DDR2: variants seen among roughly 807,000 people sequenced by gnomAD.
The protein encoded by DDR2 is discoidin domain receptor tyrosine kinase 2, also known as discoidin domain-containing receptor 2.
A neutral mutation model predicts 94.9 loss-of-function variants in DDR2; 27 were observed. The observed-to-expected ratio is 0.28, with a 90% CI of 0.21 to 0.39. The LOEUF (loss-of-function observed/expected upper bound fraction) is 0.39. Ranked by LOEUF, DDR2 falls within the 10% of genes least tolerant of loss-of-function variation. The pLI, the probability that DDR2 is intolerant of heterozygous loss-of-function variation, is 1.00. For synonymous variants in DDR2, 382 were observed against 377.2 expected (o/e 1.01, Z -0.15); for missense variants, 783 against 1,076.0 (o/e 0.73, Z 3.81).
chr1:162,731,508 A>G (rs1203155412), intron 3 of DDR2, among the ~76,000 whole-genome samples: 1 of 152,212 alleles, frequency 6.6e-6, no homozygotes, highest in African/African-American at 2.4e-5. Flanking sequence ...TTTATTGAAT[A>G]TTAGTGCTCT....
At chr1:162,645,155 G>A (rs1049526844) in intron 1 of DDR2, among the ~76,000 whole-genome samples, 9 of 152,154 alleles carry the variant, frequency 5.9e-5, no homozygotes, top group African/African-American at 1.4e-4. Context: ...GTGAACAGGC[G>A]GGGACTCCCT....
intron 4 of DDR2, among the ~76,000 whole-genome samples, chr1:162,753,612 C>T (rs556006971): frequency 2.6e-5 from 4 of 152,298 alleles, no homozygotes; most frequent in Non-Finnish European, 5.9e-5. Flanking sequence ...ACATCACTCA[C>T]TGCAAAGCAT....
rs1648007310 is a variant in DDR2 at position 162,783,385 on chromosome 1, A to C, written c.*3139A>C. On this transcript the variant is annotated 3_prime_UTR_variant, in exon 18 of 18. Coordinates refer to ENST00000367921, the MANE Select transcript of DDR2 (RefSeq NM_006182.4). Reference sequence around the variant, plus strand: ...CTGTATAAAGAAGAGGACTGTGTGCAAGTGGGGTGAAAAAAAAGGATACGT... The same window carrying C: ...CTGTATAAAGAAGAGGACTGTGTGCCAGTGGGGTGAAAAAAAAGGATACGT... 1 of 152,142 alleles carries C rather than the reference A, an allele frequency of 6.6e-6. No homozygotes were observed. The highest frequency in any genetic ancestry group is 1.5e-5 in the Non-Finnish European group (1 of 68,036). 9.4% of individuals were successfully genotyped at this position (152,142 alleles called of 1,614,324 possible).
rs755929391 is a variant in DDR2, at chr1:162,754,771, C to T, written c.333C>T (p.Gly111=). 8.7e-6 allele frequency: 14 copies of T among 1,613,962 alleles called. 1 individual carries two copies. Among genetic ancestry groups the T allele is most frequent in the Non-Finnish European group, 6.8e-6 (8 of 1,180,002 alleles). The change falls in exon 5 of 18, where the codon GGC becomes GGT. Residue 111 remains glycine, a synonymous_variant. Coordinates refer to ENST00000367921, the MANE Select transcript of DDR2 (RefSeq NM_006182.4). The stretch of plus-strand genomic sequence containing the variant: ...AGGGGCGCCATGCAGGAGGTCATGG[C>T]ATCGAGTTTGCCCCCATGTACAAGA... ...GTQGRHAGGH[G]IEFAPMYKIN...
intron 11 of DDR2, 40 bp downstream of exon 11, chr1:162,767,399 CCTTT>C (rs747875712): frequency 1.2e-6 from 2 of 1,610,686 alleles, no homozygotes; most frequent in Non-Finnish European, 1.7e-6. Context: ...AGAAACTGCT[CCTTT>C]CTTTCTTAAG....
At chr1:162,664,050 G>C (rs534571781) in intron 2 of DDR2, among the ~76,000 whole-genome samples, 56 of 152,252 alleles carry the variant, frequency 3.7e-4, no homozygotes, top group African/African-American at 1.3e-3. Flanking sequence ...GAAAAGGAAG[G>C]GGGCTGGAGT....
At chr1:162,765,137 C>G (rs926017679) in intron 9 of DDR2, among the ~76,000 whole-genome samples, 1 of 152,130 alleles carries the variant, frequency 6.6e-6, no homozygotes, top group East Asian at 1.9e-4. Context: ...CTCAGGGATT[C>G]TCCTGGCATA....
intron 2 of DDR2, among the ~76,000 whole-genome samples, chr1:162,694,700 T>TA (rs1049772122): frequency 6.6e-6 from 1 of 152,140 alleles, no homozygotes; most frequent in Non-Finnish European, 1.5e-5. Flanking sequence ...CAATAAATAT[T>TA]AAAAAAAGAA....
chr1:162,674,577 G>A (rs769209274), intron 2 of DDR2, among the ~76,000 whole-genome samples: 3 of 152,180 alleles, frequency 2.0e-5, no homozygotes, highest in African/African-American at 7.2e-5. Context: ...GGTAAAGTGT[G>A]ACATTTATCT....
chr1:162,673,991 G>A (rs1659010561), intron 2 of DDR2, among the ~76,000 whole-genome samples: 2 of 152,134 alleles, frequency 1.3e-5, no homozygotes, highest in African/African-American at 4.8e-5. Context: ...CCGTTTATAT[G>A]CTTTTGTCCC....
At chr1:162,776,402 A>G in intron 16 of DDR2, 32 bp downstream of exon 16, 1 of 1,611,248 alleles carries the variant, frequency 6.2e-7, no homozygotes, top group Non-Finnish European at 8.5e-7. Flanking sequence ...GCCCTGTCTA[A>G]CAACTGGCTT....
intron 13 of DDR2, among the ~76,000 whole-genome samples, chr1:162,772,710 T>G (rs1353382129): frequency 6.6e-6 from 1 of 152,110 alleles, no homozygotes; most frequent in Admixed American, 6.5e-5. Flanking sequence ...AGGGAATGAA[T>G]CACCAACTAA....
intron 7 of DDR2, among the ~76,000 whole-genome samples, chr1:162,759,119 G>C (rs1168371170): frequency 1.3e-5 from 2 of 152,086 alleles, no homozygotes; most frequent in African/African-American, 4.8e-5. Flanking sequence ...TGAAATCCTT[G>C]CATCTTACTT....
At chr1:162,730,945 G>C (rs1456099061) in intron 3 of DDR2, among the ~76,000 whole-genome samples, 1 of 152,088 alleles carries the variant, frequency 6.6e-6, no homozygotes, top group Non-Finnish European at 1.5e-5. Context: ...ACCCGGAGTC[G>C]GCCTCCTGCC....
chr1:162,632,396 T>C (rs1267376821), upstream of DDR2: 2 of 152,056 alleles, frequency 1.3e-5, no homozygotes, highest in African/African-American at 4.8e-5. Context: ...TGAAACCAAA[T>C]GTGCAATATA....
chr1:162,664,331 C>T (rs1273492168), intron 2 of DDR2, among the ~76,000 whole-genome samples: 1 of 151,866 alleles, frequency 6.6e-6, no homozygotes, highest in African/African-American at 2.4e-5. Flanking sequence ...AGACAAGATA[C>T]GTGAATAACC....
At chr1:162,777,812 A>G (rs1647666556) in intron 16 of DDR2, 1 of 152,418 alleles carries the variant, frequency 6.6e-6, no homozygotes, top group African/African-American at 2.4e-5. Flanking sequence ...GCGCTGCGCT[A>G]TGACAATTGG....
intron 3 of DDR2, among the ~76,000 whole-genome samples, chr1:162,725,613 G>A (rs747535536): frequency 1.3e-5 from 2 of 151,970 alleles, no homozygotes; most frequent in South Asian, 4.2e-4. Flanking sequence ...TCCTGACCTC[G>A]CCCTCCTAAA....
rs190276751 is a variant in DDR2 at position 162,783,965 on chromosome 1, C to G, written c.*3719C>G. On this transcript the variant is annotated 3_prime_UTR_variant, in exon 18 of 18. Transcript: ENST00000367921. ...ATGGTAGTTCATAAATCTTCATGTT[C>G]TATTATCTTTCATCTGCCAATAAAG... 2 of 152,192 alleles carry G rather than the reference C, an allele frequency of 1.3e-5. No homozygotes were observed. The highest frequency in any genetic ancestry group is 2.9e-5 in the Non-Finnish European group (2 of 68,024). The allele number at this position is 152,192 out of a possible 1,614,324, so 9.4% of individuals were successfully genotyped here.
Sources: gnomAD v4.1 joint callset for allele counts (sites outside exome capture counted in the v4.1 genomes callset) on GRCh38, gnomAD v4.1.1 for gene constraint, MANE v1.5 for transcripts, NCBI Gene and HGNC (gene_info 2026-07-23, HGNC 2026-07-21) for gene names.